Variants in AP3S1 observed in about 807,000 individuals in gnomAD.
AP3S1 encodes the protein AP-3 complex subunit sigma-1.
In AP3S1, 12 loss-of-function variants were observed where a neutral mutation model predicts 21.3. That is an observed-to-expected ratio of 0.56 (90% CI 0.36 to 0.91). AP3S1 has a LOEUF of 0.91. Ranked by LOEUF, AP3S1 falls within the 40% of genes least tolerant of loss-of-function variation. The probability of loss-of-function intolerance (pLI) is 0.01; values close to 1 mark genes in which losing one functional copy is unlikely to be tolerated. For missense variants in AP3S1, 116 were observed against 225.0 expected, an observed-to-expected ratio of 0.52 and a Z score of 3.10; for synonymous variants, 48 against 78.4, an observed-to-expected ratio of 0.61 and a Z score of 2.05.
chr5:115,876,320 G>A (rs551428047), intron 3 of AP3S1, among the ~76,000 whole-genome samples: 4 of 152,170 alleles, frequency 2.6e-5, no homozygotes, highest in Non-Finnish European at 5.9e-5. Flanking sequence ...TAGAACTCAA[G>A]TGCTTAAAGT....
At chr5:115,868,936 G>GGGAA (rs1156271663) in intron 2 of AP3S1, among the ~76,000 whole-genome samples, 9 of 77,874 alleles carry the variant, frequency 1.2e-4, no homozygotes, top group African/African-American at 4.1e-4. Flanking sequence ...GAGGGAGGGA[G>GGGAA]GGAAGGAAGG....
At chr5:115,861,677 C>T (rs971944437) in intron 1 of AP3S1, among the ~76,000 whole-genome samples, 8 of 151,926 alleles carry the variant, frequency 5.3e-5, no homozygotes, top group Non-Finnish European at 8.8e-5. Flanking sequence ...ACCTCAGCCT[C>T]CCAAGTAGCT....
intron 3 of AP3S1, among the ~76,000 whole-genome samples, chr5:115,894,660 C>T (rs1750596208): frequency 6.6e-6 from 1 of 152,096 alleles, no homozygotes; most frequent in African/African-American, 2.4e-5. Context: ...TTTTAGTGGT[C>T]TTTTATACTG....
At chr5:115,848,460 A>G (rs1392886012) in intron 1 of AP3S1, among the ~76,000 whole-genome samples, 1 of 152,266 alleles carries the variant, frequency 6.6e-6, no homozygotes, top group African/African-American at 2.4e-5. Context: ...AAAAGACAGT[A>G]TATGGTAATA....
chr5:115,905,580 C>T (rs911561515), intron 5 of AP3S1, among the ~76,000 whole-genome samples: 3 of 152,130 alleles, frequency 2.0e-5, no homozygotes, highest in African/African-American at 7.2e-5. Context: ...CAAAGTGAGG[C>T]CATTTAGCCC....
chr5:115,879,633 C>G (rs1267645173), intron 3 of AP3S1, among the ~76,000 whole-genome samples: 4 of 152,154 alleles, frequency 2.6e-5, no homozygotes. Context: ...CATCAATGTT[C>G]ATCAGGGTTA....
Position 115,870,000 on chromosome 5 carries a change from A to G in AP3S1, c.162-17A>G, listed in dbSNP as rs1374816938. 1 of 1,167,292 alleles carries G rather than the reference A, an allele frequency of 8.6e-7. No homozygotes were observed. The highest frequency in any genetic ancestry group is 1.2e-6 in the Non-Finnish European group (1 of 818,898). 72.3% of individuals were successfully genotyped at this position (1,167,292 alleles called of 1,614,324 possible). Reference sequence around the variant, plus strand: ...GCATTTTGTTTCCAATAACATTACAATTTTTTTGTCATTTAGATTAATTGG... The same window carrying G: ...GCATTTTGTTTCCAATAACATTACAGTTTTTTTGTCATTTAGATTAATTGG... On this transcript the variant is annotated splice_polypyrimidine_tract_variant and intron_variant, in intron 2 of 5. Coordinates refer to ENST00000316788, the MANE Select transcript of AP3S1 (RefSeq NM_001284.4).
intron 1 of AP3S1, among the ~76,000 whole-genome samples, chr5:115,862,800 G>T (rs966726216): frequency 1.3e-5 from 2 of 152,114 alleles, no homozygotes; most frequent in African/African-American, 4.8e-5. Context: ...TAACACTATG[G>T]GAGTCATATG....
intron 3 of AP3S1, among the ~76,000 whole-genome samples, chr5:115,889,723 C>A (rs966551799): frequency 2.6e-5 from 4 of 152,040 alleles, no homozygotes; most frequent in Non-Finnish European, 5.9e-5. Context: ...CCCTTGTAAT[C>A]CCAGCTACTC....
intron 1 of AP3S1, among the ~76,000 whole-genome samples, chr5:115,865,116 C>T (rs1175751450): frequency 6.6e-6 from 1 of 151,894 alleles, no homozygotes; most frequent in Non-Finnish European, 1.5e-5. Flanking sequence ...ACTACCTCCA[C>T]CTTTTCTGCC....
chr5:115,897,018 C>T (rs1027562450), intron 4 of AP3S1, among the ~76,000 whole-genome samples: 5 of 152,126 alleles, frequency 3.3e-5, no homozygotes, highest in African/African-American at 1.2e-4. Context: ...AACTTCCATA[C>T]ATGACACAAA....
At chr5:115,910,616 T>C (rs529348920) in intron 5 of AP3S1, among the ~76,000 whole-genome samples, 3 of 152,324 alleles carry the variant, frequency 2.0e-5, no homozygotes, top group African/African-American at 7.2e-5. Flanking sequence ...AATAAAAATG[T>C]TTCAGGCATC....
Position 115,906,741 on chromosome 5 carries a change from C to T in AP3S1, c.453+3749C>T. 3.7e-6 allele frequency: 4 copies of T among 1,091,630 alleles called. No individual in the cohort carries two copies. In the South Asian group the frequency reaches 5.5e-5, roughly 15 times the overall value. The allele number at this position is 1,091,630 out of a possible 1,614,324, so 67.6% of individuals were successfully genotyped here. ...ATGGATAAATGGGTCTGAATTTAGT[C>T]ACTACTTTTTGAAAGTCAGTCCTCT... is the stretch of plus-strand genomic sequence containing the variant. On this transcript the variant is annotated intron_variant, in intron 5 of 5. Coordinates refer to ENST00000316788, the MANE Select transcript of AP3S1 (RefSeq NM_001284.4).
intron 5 of AP3S1, among the ~76,000 whole-genome samples, chr5:115,906,616 A>G (rs1254157115): frequency 6.6e-6 from 1 of 152,038 alleles, no homozygotes; most frequent in Non-Finnish European, 1.5e-5. Flanking sequence ...AGAGGCACTC[A>G]GGAACCTGCC....
At chr5:115,910,344 A>G (rs1471772476) in intron 5 of AP3S1, among the ~76,000 whole-genome samples, 1 of 151,978 alleles carries the variant, frequency 6.6e-6, no homozygotes, top group Non-Finnish European at 1.5e-5. Flanking sequence ...ACTTATTTTC[A>G]GACCACAGTT....
chr5:115,905,576 G>A (rs928580239), intron 5 of AP3S1, among the ~76,000 whole-genome samples: 1 of 152,168 alleles, frequency 6.6e-6, no homozygotes. Flanking sequence ...AAGTCAAAGT[G>A]AGGCCATTTA....
chr5:115,866,857 A>G (rs1763662184), intron 2 of AP3S1, 96 bp downstream of exon 2: 1 of 624,418 alleles, frequency 1.6e-6, no homozygotes. Context: ...TCTACTTTTG[A>G]TTAATTGGAT....
At chr5:115,889,631 C>T (rs1443032776) in intron 3 of AP3S1, among the ~76,000 whole-genome samples, 4 of 151,972 alleles carry the variant, frequency 2.6e-5, no homozygotes, top group Admixed American at 1.3e-4. Flanking sequence ...ACAGAACTGG[C>T]AAAGGTATTT....
intron 3 of AP3S1, among the ~76,000 whole-genome samples, chr5:115,876,111 C>T (rs1748693031): frequency 6.6e-6 from 1 of 152,162 alleles, no homozygotes; most frequent in African/African-American, 2.4e-5. Context: ...GGCTCTGTCA[C>T]ATAACAGTTA....
Sources: gnomAD v4.1 joint callset for allele counts (sites outside exome capture counted in the v4.1 genomes callset) on GRCh38, gnomAD v4.1.1 for gene constraint, MANE v1.5 for transcripts, NCBI Gene and HGNC (gene_info 2026-07-23, HGNC 2026-07-21) for gene names.